Variants in FAM153A observed in about 807,000 individuals in gnomAD.
FAM153A encodes protein FAM153A.
FAM153A carries 12 observed loss-of-function variants against 48.1 expected under a neutral mutation model. The ratio of observed to expected loss-of-function variants is 0.25; its 90% CI spans 0.16 to 0.40. The LOEUF (loss-of-function observed/expected upper bound fraction) is 0.40. Ranked by LOEUF, FAM153A falls within the 10% of genes least tolerant of loss-of-function variation. The pLI is 1.00. For synonymous variants in FAM153A, 36 were observed against 118.2 expected (o/e 0.30, Z 4.51); for missense variants, 111 against 345.8 (o/e 0.32, Z 5.38).
chr5:177,714,040 T>C (rs546228989), intron 25 of FAM153A: 2 of 152,030 alleles, frequency 1.3e-5, no homozygotes, highest in African/African-American at 4.8e-5. Context: ...TTTTACTGTA[T>C]GTTCATACTT....
intron 1 of FAM153A, among the ~76,000 whole-genome samples, chr5:177,760,148 T>C (rs146007881): frequency 0.091 from 13,550 of 148,502 alleles, 660 homozygotes; most frequent in African/African-American, 0.12. Context: ...TATATATATA[T>C]ACACATATAT....
chr5:177,696,755 G>C, the FAM153A span, among the ~76,000 whole-genome samples: 3 of 151,320 alleles, frequency 2.0e-5, no homozygotes, highest in Non-Finnish European at 4.4e-5. Context: ...CAGCCTTGAA[G>C]TCCTGGGCTC....
At chr5:177,695,919 CCG>C in the FAM153A span, among the ~76,000 whole-genome samples, 17 of 125,402 alleles carry the variant, frequency 1.4e-4, no homozygotes, top group South Asian at 5.4e-4. Flanking sequence ...GACAGGGTGG[CCG>C]GGCAGGGGCA....
the FAM153A span, among the ~76,000 whole-genome samples, chr5:177,696,968 A>G: frequency 1.3e-5 from 2 of 152,056 alleles, no homozygotes; most frequent in African/African-American, 4.8e-5. Flanking sequence ...CAGCTTGTTA[A>G]TTCCTGCAAA....
At chr5:177,713,417 A>ATT (rs1033701174) in intron 26 of FAM153A, among the ~76,000 whole-genome samples, 4 of 143,184 alleles carry the variant, frequency 2.8e-5, no homozygotes, top group African/African-American at 5.2e-5. Flanking sequence ...TGCCCAGCTA[A>ATT]TTTTTTTTTT....
exon 21 of FAM153A, chr5:177,723,559 G>C (rs1442522558): frequency 1.2e-5 from 2 of 163,064 alleles, no homozygotes; most frequent in African/African-American, 5.0e-5. Flanking sequence ...GGCCACCCCA[G>C]GCCCCCACAG....
At chr5:177,761,173 A>G (rs1327226882) in intron 1 of FAM153A, among the ~76,000 whole-genome samples, 2 of 151,222 alleles carry the variant, frequency 1.3e-5, no homozygotes. Context: ...CACTCAGCCC[A>G]GCTGCAGCAG....
downstream of FAM153A, among the ~76,000 whole-genome samples, chr5:177,705,320 A>G (rs1349778320): frequency 6.8e-6 from 1 of 147,686 alleles, no homozygotes; most frequent in East Asian, 2.1e-4. Flanking sequence ...ACAAAAGTAT[A>G]TGGCACCCCC....
chr5:177,754,011 C>T (rs1182604758), upstream of FAM153A, among the ~76,000 whole-genome samples: 1 of 151,884 alleles, frequency 6.6e-6, no homozygotes. Context: ...GTGCAGTGCA[C>T]CAAGTGTGAG....
downstream of FAM153A, among the ~76,000 whole-genome samples, chr5:177,709,941 G>T (rs1758260207): frequency 7.4e-6 from 1 of 134,874 alleles, no homozygotes; most frequent in Non-Finnish European, 1.6e-5. Flanking sequence ...GGAATTACAG[G>T]CATGAGCCAC....
At position 177,765,474 on chromosome 5, in the gene FAM153A, C is replaced by T. The variant is rs200039604; in HGVS notation, c.-57+14975G>A. Among the ~76,000 whole-genome samples the T allele has an allele frequency of 5.6e-5, 6 of 107,004 alleles. 1 individual carries two copies. The highest frequency in any genetic ancestry group is 5.1e-3 in the Middle Eastern group (1 of 196). The allele number at this position is 107,004 out of a possible 152,430, so 70.2% of individuals were successfully genotyped here. On this transcript the variant is annotated intron_variant, in intron 1 of 8. Coordinates refer to the FAM153A transcript ENST00000393518. ...TGAAGGTGGCTGGCCCCAATAAGCA[C>T]GAGTGTGAACAAACTGGCTGGCCTC...
intron 18 of FAM153A, among the ~76,000 whole-genome samples, chr5:177,725,773 A>G (rs940572212): frequency 2.6e-5 from 4 of 151,882 alleles, no homozygotes; most frequent in Non-Finnish European, 5.9e-5. Flanking sequence ...TCCAGGGACC[A>G]GGCTACAGGG....
At chr5:177,764,672 C>T (rs1173702934) in intron 1 of FAM153A, among the ~76,000 whole-genome samples, 1 of 151,606 alleles carries the variant, frequency 6.6e-6, no homozygotes, top group African/African-American at 2.4e-5. Context: ...CTGGGCTCGC[C>T]CCCAATTAGA....
intron 25 of FAM153A, among the ~76,000 whole-genome samples, chr5:177,715,958 G>A (rs1248032919): frequency 1.3e-5 from 2 of 151,248 alleles, no homozygotes; most frequent in Admixed American, 1.3e-4. Context: ...TTACAGGAGT[G>A]AGCCATCATG....
chr5:177,722,215 C>T (rs1406499103), downstream of FAM153A: 2 of 124,186 alleles, frequency 1.6e-5, no homozygotes, highest in Non-Finnish European at 3.3e-5. Flanking sequence ...CCGCAACCTC[C>T]GCCTCCTGAG....
chr5:177,760,109 C>T (rs1485701857), intron 1 of FAM153A, among the ~76,000 whole-genome samples: 1 of 149,244 alleles, frequency 6.7e-6, no homozygotes, highest in African/African-American at 2.5e-5. Context: ...TTGTCAACAA[C>T]TGAATAGAAA....
chr5:177,737,779 C>G (rs1453036272), intron 10 of FAM153A, among the ~76,000 whole-genome samples: 1 of 151,706 alleles, frequency 6.6e-6, no homozygotes, highest in Non-Finnish European at 1.5e-5. Context: ...CTTGGCCCCC[C>G]AAACTGCTGG....
At chr5:177,700,452 A>C in the FAM153A span, among the ~76,000 whole-genome samples, 1 of 151,966 alleles carries the variant, frequency 6.6e-6, no homozygotes, top group Non-Finnish European at 1.5e-5. Context: ...CTACAAAAAA[A>C]CTATGAGAGC....
chr5:177,757,261 T>C (rs377597831), upstream of FAM153A, among the ~76,000 whole-genome samples: 3 of 103,872 alleles, frequency 2.9e-5, no homozygotes, highest in Non-Finnish European at 5.9e-5. Flanking sequence ...ACACATACAA[T>C]CTCACAAGAC....
Sources: gnomAD v4.1 joint callset for allele counts (sites outside exome capture counted in the v4.1 genomes callset) on GRCh38, gnomAD v4.1.1 for gene constraint, MANE v1.5 for transcripts, NCBI Gene and HGNC (gene_info 2026-07-23, HGNC 2026-07-21) for gene names.